Variants in NKTR observed in about 807,000 individuals in gnomAD.
NKTR encodes NK-tumor recognition protein.
NKTR carries 67 observed loss-of-function variants against 156.3 expected under a neutral mutation model. The ratio of observed to expected loss-of-function variants is 0.43; its 90% confidence interval spans 0.35 to 0.53. NKTR has a LOEUF of 0.53. Among genes scored for constraint, NKTR ranks in the 20% least tolerant of loss-of-function variants. The pLI is 0.01. For missense variants in NKTR, 1,604 were observed against 1,730.9 expected, an observed-to-expected ratio of 0.93 and a Z score of 1.30; for synonymous variants, 640 against 596.6, an observed-to-expected ratio of 1.07 and a Z score of -1.06.
At chr3:42,607,633 A>G (rs748706142) in intron 2 of NKTR, among the ~76,000 whole-genome samples, 7 of 152,242 alleles carry the variant, frequency 4.6e-5, no homozygotes, top group Non-Finnish European at 8.8e-5. Flanking sequence ...TCAGTAAACT[A>G]GAAGGAACTC....
chr3:42,627,117 T>C, intron 6 of NKTR: 2 of 846,142 alleles, frequency 2.4e-6, no homozygotes, highest in African/African-American at 1.8e-5. Flanking sequence ...TTCAAAGTTA[T>C]ATTGATATTA....
At chr3:42,643,225 C>A in intron 14 of NKTR, 114 bp from the exon 15 acceptor site, 2 of 741,058 alleles carry the variant, frequency 2.7e-6, no homozygotes, top group South Asian at 2.0e-5. Context: ...ACAAATGTAG[C>A]TGTGGGATTT....
At chr3:42,605,976 G>A (rs1706193155) in intron 2 of NKTR, among the ~76,000 whole-genome samples, 1 of 152,120 alleles carries the variant, frequency 6.6e-6, no homozygotes, top group South Asian at 2.1e-4. Flanking sequence ...ACTACTGTTT[G>A]GTATAACAAT....
At chr3:42,612,174 C>CTTT (rs1470039046) in intron 2 of NKTR, 52 of 152,208 alleles carry the variant, frequency 3.4e-4, no homozygotes, top group African/African-American at 1.1e-3. Flanking sequence ...GAGCAAGGTG[C>CTTT]AGTACAGTGT....
intron 2 of NKTR, among the ~76,000 whole-genome samples, chr3:42,608,900 C>G (rs1577429360): frequency 6.6e-6 from 1 of 152,070 alleles, no homozygotes; most frequent in Admixed American, 6.5e-5. Context: ...CCGAGGCAGG[C>G]AGATCACTTG....
intron 13 of NKTR, among the ~76,000 whole-genome samples, 199 bp from the exon 14 acceptor site, chr3:42,642,302 C>A (rs542581957): frequency 1.2e-4 from 18 of 151,674 alleles, no homozygotes; most frequent in Non-Finnish European, 2.5e-4. Context: ...TCTTGTTTTT[C>A]TTTATTTTCT....
At chr3:42,619,973 T>C (rs1707754044) in intron 5 of NKTR, 3 of 1,529,984 alleles carry the variant, frequency 2.0e-6, no homozygotes, top group Non-Finnish European at 2.6e-6. Flanking sequence ...TGAAAACTCC[T>C]ATCTTCCTGC....
At chr3:42,616,702 T>C (rs1707399583) in intron 2 of NKTR, among the ~76,000 whole-genome samples, 1 of 152,198 alleles carries the variant, frequency 6.6e-6, no homozygotes, top group Non-Finnish European at 1.5e-5. Flanking sequence ...GTGTTTGTTG[T>C]AGGGAAGCAT....
At chr3:42,618,351 C>T (rs1286242989) in intron 3 of NKTR, among the ~76,000 whole-genome samples, 1 of 73,822 alleles carries the variant, frequency 1.4e-5, no homozygotes, top group South Asian at 4.1e-4. Flanking sequence ...GACTTTGTCT[C>T]AAAAAAAAAA....
chr3:42,624,754 C>T (rs1708220773), intron 6 of NKTR, among the ~76,000 whole-genome samples: 1 of 152,096 alleles, frequency 6.6e-6, no homozygotes, highest in South Asian at 2.1e-4. Context: ...GGATTAGAAG[C>T]ATCAAACATT....
At chr3:42,622,451 T>A (rs339735) in intron 6 of NKTR, among the ~76,000 whole-genome samples, 42,622 of 151,898 alleles carry the variant, frequency 0.28, 6,692 homozygotes, top group East Asian at 0.47. Context: ...TCTGAATGAA[T>A]GAGTATGAAT....
chr3:42,634,611 A>G lies in NKTR; in HGVS notation c.930-2A>G. On this transcript the variant is annotated splice_acceptor_variant, in intron 10 of 16. Transcript: ENST00000232978. LOFTEE classifies it high-confidence loss of function. ...ATTTTCATCACAATCTTCTTTTCCT[A>G]GGAAGATTCCTGATGTTGCACCCAT... The G allele has an allele frequency of 1.3e-6, 2 of 1,521,266 alleles. No individual in the cohort carries two copies. Among genetic ancestry groups the G allele is most frequent in the Non-Finnish European group, 1.8e-6 (2 of 1,121,660 alleles). The allele number at this position is 1,521,266 out of a possible 1,614,324, so 94.2% of individuals were successfully genotyped here.
Position 42,617,856 on chromosome 3 carries a change from AAG to A in NKTR, c.133+217_133+218del, listed in dbSNP as rs202049178. Reference sequence around the variant, plus strand: ...GAAAGGAATGATCTCAAAAATGAAAAAGAGAGTAAGAATCTACGTTATATAAT... The same window carrying A: ...GAAAGGAATGATCTCAAAAATGAAAAAGAGTAAGAATCTACGTTATATAAT... On this transcript the variant is annotated intron_variant, in intron 3 of 16. Transcript: ENST00000232978. Among the ~76,000 whole-genome samples, 1,353 of 152,252 alleles carry A rather than the reference AAG, an allele frequency of 8.9e-3. 17 individuals carry two copies. Among genetic ancestry groups the A allele is most frequent in the African/African-American group, 0.031 (1,268 of 41,558 alleles).
chr3:42,643,819 C>T (rs538387731), intron 15 of NKTR, 83 bp from the exon 16 acceptor site: 3 of 936,016 alleles, frequency 3.2e-6, no homozygotes, highest in African/African-American at 3.3e-5. Context: ...TAAGCTAGAA[C>T]ACTCCTGAGA....
rs1322852723 is a variant in NKTR at position 42,645,995 on chromosome 3, A to G, written c.*20A>G. On this transcript the variant is annotated 3_prime_UTR_variant, in exon 17 of 17. Transcript: ENST00000232978. ...AGTTGAAAACGTCCGGATACAAATT[A>G]TATCTTATTTGTAAATATCTGGCAA... 1.9e-6 allele frequency: 3 copies of G among 1,565,300 alleles called. No individual in the cohort carries two copies. The highest frequency in any genetic ancestry group is 2.7e-5 in the African/African-American group (2 of 74,094).
At chr3:42,627,520 T>C (rs1708497527) in intron 6 of NKTR, 7 of 985,248 alleles carry the variant, frequency 7.1e-6, no homozygotes, top group Non-Finnish European at 8.4e-6. Context: ...GTCATTTCTG[T>C]ATAAGGGCAA....
rs760745934 is a variant in NKTR at position 42,637,742 on chromosome 3, A to G, written c.2038A>G (p.Lys680Glu). ...GGAAAGTGATCAGAGCACTTATTCA[A>G]AATACAGTGATAGAAGTTCAGAAAG... ...NSESDQSTYSKYSDRSSESSP... is the reference protein window; with the variant it reads ...NSESDQSTYSEYSDRSSESSP... The change falls in exon 13 of 17, where the codon AAA (lysine) becomes GAA (glutamate). Residue 680 changes from lysine (K) to glutamate (E), a missense_variant. Around this residue, in one of 6 missense-constraint regions of NKTR, gnomAD observed 1,255 missense variants for 1,243.7 expected, o/e 1.01. Transcript: ENST00000232978. 2.5e-6 allele frequency: 4 copies of G among 1,613,970 alleles called. No homozygotes were observed. The highest frequency in any genetic ancestry group is 1.7e-6 in the Non-Finnish European group (2 of 1,179,972).
chr3:42,639,873 G>C (rs1709733050), intron 13 of NKTR, 123 bp downstream of exon 13: 1 of 785,704 alleles, frequency 1.3e-6, no homozygotes. Flanking sequence ...AAGAAGTCTT[G>C]TTTTGTGTGA....
chr3:42,607,969 CTTTT>C (rs201803926), intron 2 of NKTR, among the ~76,000 whole-genome samples: 1 of 74,906 alleles, frequency 1.3e-5, no homozygotes, highest in African/African-American at 4.3e-5. Context: ...CTGAGTCGCT[CTTTT>C]TTTTTTTTTT....
Sources: gnomAD v4.1 joint callset for allele counts (sites outside exome capture counted in the v4.1 genomes callset) on GRCh38, gnomAD v4.1.1 for gene constraint, gnomAD v4.1.1 regional missense constraint, MANE v1.5 for transcripts, NCBI Gene and HGNC (gene_info 2026-07-23, HGNC 2026-07-21) for gene names.